The following HORMAD2 variants were observed in gnomAD, a reference collection of about 807,000 sequenced individuals.
HORMAD2 encodes HORMA domain-containing protein 2.
Under a neutral mutation model 38.8 loss-of-function variants are expected in HORMAD2, and 45 were observed. The observed-to-expected ratio is 1.16, with a 90% CI of 0.91 to 1.49. HORMAD2 has a LOEUF of 1.49. HORMAD2 is among the 40% of genes most tolerant of loss of function. HORMAD2 has a pLI of 0.00. For missense variants in HORMAD2, 338 were observed against 367.0 expected, an observed-to-expected ratio of 0.92 and a Z score of 0.65; for synonymous variants, 126 against 122.8, an observed-to-expected ratio of 1.03 and a Z score of -0.17.
chr22:30,196,523 T>A, the HORMAD2 span, among the ~76,000 whole-genome samples: 3 of 152,200 alleles, frequency 2.0e-5, no homozygotes, highest in Non-Finnish European at 2.9e-5. Flanking sequence ...AAGGAAGTAC[T>A]CAGTTACAAT....
At chr22:30,095,107 C>T (rs1230425785) in intron 2 of HORMAD2, among the ~76,000 whole-genome samples, 2 of 151,976 alleles carry the variant, frequency 1.3e-5, no homozygotes, top group East Asian at 1.9e-4. Flanking sequence ...AACTGGCAAT[C>T]GAAAAATCTT....
chr22:30,129,074 C>T (rs1026967361), intron 10 of HORMAD2, among the ~76,000 whole-genome samples: 1 of 151,542 alleles, frequency 6.6e-6, no homozygotes, highest in African/African-American at 2.4e-5. Flanking sequence ...AAAAATTAGC[C>T]AGGCGTGGTG....
At chr22:30,182,379 C>A in the HORMAD2 span, among the ~76,000 whole-genome samples, 1 of 152,198 alleles carries the variant, frequency 6.6e-6, no homozygotes, top group Non-Finnish European at 1.5e-5. Flanking sequence ...CTTTTTACGT[C>A]TTTTCAGTAT....
intron 1 of HORMAD2, among the ~76,000 whole-genome samples, chr22:30,091,992 TC>T (rs1392822345): frequency 1.3e-5 from 2 of 151,702 alleles, no homozygotes; most frequent in African/African-American, 4.8e-5. Context: ...TTCTCCTGCC[TC>T]AGCCTCTCAA....
intron 10 of HORMAD2, among the ~76,000 whole-genome samples, chr22:30,151,330 A>C (rs531753057): frequency 2.3e-4 from 35 of 152,200 alleles, no homozygotes; most frequent in Non-Finnish European, 4.6e-4. Context: ...TCAATCTGCC[A>C]TCTTTATCCA....
chr22:30,101,588 T>TAA (rs35366560), intron 3 of HORMAD2, among the ~76,000 whole-genome samples: 4 of 139,680 alleles, frequency 2.9e-5, no homozygotes, highest in East Asian at 2.0e-4. Flanking sequence ...CTTAAAGTAT[T>TAA]AAAAAAAAAA....
intron 2 of HORMAD2, among the ~76,000 whole-genome samples, chr22:30,095,119 C>T (rs533132865): frequency 6.6e-6 from 1 of 152,256 alleles, no homozygotes; most frequent in South Asian, 2.1e-4. Context: ...AAAAATCTTA[C>T]AACTACTGGG....
downstream of HORMAD2, among the ~76,000 whole-genome samples, chr22:30,178,946 C>T (rs565373024): frequency 6.6e-6 from 1 of 152,298 alleles, no homozygotes; most frequent in African/African-American, 2.4e-5. Flanking sequence ...CCTTCATTTC[C>T]CCTCTTGCAG....
intron 2 of HORMAD2, among the ~76,000 whole-genome samples, chr22:30,095,028 C>T (rs2068757459): frequency 6.6e-6 from 1 of 152,130 alleles, no homozygotes; most frequent in Non-Finnish European, 1.5e-5. Context: ...CTAGAAACTA[C>T]ATGCTTTCCT....
the HORMAD2 span, among the ~76,000 whole-genome samples, chr22:30,206,267 AG>A: frequency 6.6e-6 from 1 of 152,140 alleles, no homozygotes; most frequent in African/African-American, 2.4e-5. Flanking sequence ...CCTGGGTTCA[AG>A]AGATTCCCTT....
intron 10 of HORMAD2, among the ~76,000 whole-genome samples, chr22:30,175,269 AAT>A (rs1291806995): frequency 7.2e-6 from 1 of 139,188 alleles, no homozygotes. Flanking sequence ...TATATATAAT[AAT>A]ATATATAATA....
At chr22:30,122,793 T>C (rs1056722282) in intron 10 of HORMAD2, among the ~76,000 whole-genome samples, 2 of 152,118 alleles carry the variant, frequency 1.3e-5, no homozygotes, top group Admixed American at 6.6e-5. Flanking sequence ...TTTCCACCAA[T>C]AGAGACTTGG....
intron 10 of HORMAD2, among the ~76,000 whole-genome samples, chr22:30,148,449 T>C (rs980610092): frequency 6.6e-6 from 1 of 152,178 alleles, no homozygotes; most frequent in Non-Finnish European, 1.5e-5. Context: ...ATCTTGATTG[T>C]GGTGGTTGTT....
intron 2 of HORMAD2, 86 bp downstream of exon 2, chr22:30,094,089 T>A: frequency 1.0e-6 from 1 of 992,772 alleles, no homozygotes; most frequent in East Asian, 2.7e-5. Context: ...GTGTGTGTTT[T>A]TAAGCAGCAG....
intron 10 of HORMAD2, among the ~76,000 whole-genome samples, chr22:30,143,874 G>T (rs547954779): frequency 5.3e-5 from 8 of 152,224 alleles, no homozygotes; most frequent in African/African-American, 1.4e-4. Flanking sequence ...TTGTTTAAAA[G>T]TGTGTGGCAC....
chr22:30,161,654 T>A (rs1925447540), intron 10 of HORMAD2, among the ~76,000 whole-genome samples: 1 of 152,180 alleles, frequency 6.6e-6, no homozygotes, highest in Non-Finnish European at 1.5e-5. Flanking sequence ...CATTTTTCTA[T>A]TGAAAAGTAT....
chr22:30,083,170 G>A (rs1223751823), intron 1 of HORMAD2, among the ~76,000 whole-genome samples: 1 of 152,182 alleles, frequency 6.6e-6, no homozygotes, highest in Non-Finnish European at 1.5e-5. Flanking sequence ...AGGAGGCTGA[G>A]GTGGGAGGAT....
At chr22:30,090,077 T>C (rs1322913039) in intron 1 of HORMAD2, among the ~76,000 whole-genome samples, 1 of 152,158 alleles carries the variant, frequency 6.6e-6, no homozygotes, top group Non-Finnish European at 1.5e-5. Flanking sequence ...TAAGATTGAA[T>C]AGGGGTCGGG....
chr22:30,152,675 T>C (rs1398164469), intron 10 of HORMAD2, among the ~76,000 whole-genome samples: 2 of 152,174 alleles, frequency 1.3e-5, no homozygotes, highest in African/African-American at 4.8e-5. Context: ...AAAACAGTCC[T>C]TCTTATTTCT....
Sources: allele counts gnomAD v4.1 joint callset (sites outside exome capture counted in the v4.1 genomes callset), GRCh38; gene constraint gnomAD v4.1.1; transcripts MANE v1.5; gene names NCBI Gene and HGNC (gene_info 2026-07-23, HGNC 2026-07-21).